LSAMP: variants seen among roughly 807,000 people sequenced by gnomAD.
LSAMP encodes limbic system-associated membrane protein.
Under a neutral mutation model 38.6 loss-of-function variants are expected in LSAMP, and 7 were observed. The ratio of observed to expected loss-of-function variants is 0.18; its 90% CI spans 0.10 to 0.34. LSAMP has a LOEUF of 0.34. Ranked by LOEUF, LSAMP falls within the 10% of genes least tolerant of loss-of-function variation. The pLI is 1.00. For synonymous variants in LSAMP, 154 were observed against 166.8 expected (o/e 0.92, Z 0.59); for missense variants, 313 against 420.0 (o/e 0.75, Z 2.23).
Position 116,442,438 on chromosome 3 carries a change from TA to T in LSAMP, c.155+2438del, listed in dbSNP as rs372690257. Among the ~76,000 whole-genome samples, 528 of 152,208 alleles carry T rather than the reference TA, an allele frequency of 3.5e-3. 3 individuals carry two copies. Among genetic ancestry groups the T allele is most frequent in the African/African-American group, 0.012 (505 of 41,530 alleles). On this transcript the variant is annotated intron_variant, in intron 1 of 6. Transcript: ENST00000490035. ...CTTCCCTGAAAGCTCATGCACCCAGTAAAATGTCACAAATAAAGTGAAAACA... is the reference window on the plus strand; with the variant it reads ...CTTCCCTGAAAGCTCATGCACCCAGTAAATGTCACAAATAAAGTGAAAACA...
intron 6 of LSAMP, among the ~76,000 whole-genome samples, chr3:115,818,572 C>G (rs1934105720): frequency 6.6e-6 from 1 of 151,428 alleles, no homozygotes; most frequent in African/African-American, 2.4e-5. Context: ...AATCAACATA[C>G]TATACTTACA....
intron 3 of LSAMP, among the ~76,000 whole-genome samples, chr3:115,861,480 G>T (rs72953455): frequency 0.011 from 1,655 of 151,492 alleles, 34 homozygotes; most frequent in African/African-American, 0.038. Context: ...ATTCTGAGGC[G>T]GTGTCTGGGC....
chr3:115,939,062 A>C (rs1937805892), intron 3 of LSAMP, among the ~76,000 whole-genome samples: 1 of 152,172 alleles, frequency 6.6e-6, no homozygotes, highest in Non-Finnish European at 1.5e-5. Context: ...AAGGGAATAC[A>C]CTTTGACCTT....
At chr3:116,373,027 T>C (rs1181774849) in intron 1 of LSAMP, among the ~76,000 whole-genome samples, 2 of 151,424 alleles carry the variant, frequency 1.3e-5, no homozygotes, top group East Asian at 3.9e-4. Context: ...CCTCAAAAAA[T>C]TGAAAATACA....
At chr3:115,900,798 C>A (rs924308746) in intron 3 of LSAMP, among the ~76,000 whole-genome samples, 2 of 152,116 alleles carry the variant, frequency 1.3e-5, no homozygotes, top group East Asian at 1.9e-4. Context: ...CTTTCAGGTA[C>A]CTTACTGGGC....
intron 1 of LSAMP, among the ~76,000 whole-genome samples, chr3:116,208,330 T>C (rs1396538674): frequency 6.6e-6 from 1 of 151,196 alleles, no homozygotes; most frequent in Non-Finnish European, 1.5e-5. Flanking sequence ...TTTAAACTTC[T>C]TTGCCTTTGG....
intron 1 of LSAMP, among the ~76,000 whole-genome samples, chr3:116,407,898 G>T (rs2048918314): frequency 6.6e-6 from 1 of 151,916 alleles, no homozygotes; most frequent in Admixed American, 6.6e-5. Flanking sequence ...TACAAACAGA[G>T]TCAGGCTCTA....
At chr3:115,929,341 A>C (rs773928279) in intron 3 of LSAMP, among the ~76,000 whole-genome samples, 2 of 152,206 alleles carry the variant, frequency 1.3e-5, no homozygotes, top group African/African-American at 2.4e-5. Flanking sequence ...GGTGAGAACT[A>C]TAAATCTAGG....
intron 1 of LSAMP, among the ~76,000 whole-genome samples, chr3:116,356,726 C>G (rs1312130119): frequency 6.6e-6 from 1 of 152,130 alleles, no homozygotes; most frequent in African/African-American, 2.4e-5. Context: ...TACTATGTAT[C>G]CATAATCATT....
At position 115,806,367 on chromosome 3, in the gene LSAMP, G is replaced by A. The variant is rs1390647768; in HGVS notation, c.*3950C>T. 1 of 152,042 alleles carries A rather than the reference G, an allele frequency of 6.6e-6. No homozygotes were observed. Among genetic ancestry groups the A allele is most frequent in the African/African-American group, 2.4e-5 (1 of 41,378 alleles). 9.4% of individuals were successfully genotyped at this position (152,042 alleles called of 1,614,324 possible). On this transcript the variant is annotated 3_prime_UTR_variant, in exon 7 of 7. Coordinates refer to ENST00000490035, the MANE Select transcript of LSAMP (RefSeq NM_002338.5). ...TTATTGTTTTCCACAAATAATTCGA[G>A]CCCTGCAAAGAACAAAATGAAAAAT...
At chr3:116,086,174 G>T in intron 2 of LSAMP, 150 bp downstream of exon 2, 1 of 677,156 alleles carries the variant, frequency 1.5e-6, no homozygotes, top group Non-Finnish European at 2.5e-6. Context: ...CTCATTTTAA[G>T]TGTCTTTTTA....
chr3:116,182,159 T>C (rs1710499040), intron 1 of LSAMP, among the ~76,000 whole-genome samples: 1 of 151,836 alleles, frequency 6.6e-6, no homozygotes, highest in South Asian at 2.1e-4. Context: ...TGGAAATAAC[T>C]TGGTAGGTAC....
intron 1 of LSAMP, among the ~76,000 whole-genome samples, chr3:116,426,159 A>C (rs765432496): frequency 3.3e-5 from 5 of 152,210 alleles, no homozygotes; most frequent in Non-Finnish European, 5.9e-5. Flanking sequence ...GCTCATCACC[A>C]GTACTCAACT....
At chr3:116,254,363 G>T (rs1169803901) in intron 1 of LSAMP, among the ~76,000 whole-genome samples, 3 of 152,014 alleles carry the variant, frequency 2.0e-5, no homozygotes, top group African/African-American at 7.2e-5. Context: ...ATGTGGCCAT[G>T]CAAAGATGGA....
At chr3:116,127,301 A>G (rs1709029325) in intron 1 of LSAMP, among the ~76,000 whole-genome samples, 1 of 152,200 alleles carries the variant, frequency 6.6e-6, no homozygotes, top group Non-Finnish European at 1.5e-5. Context: ...GGTATTGACA[A>G]TAACATCCAA....
intron 3 of LSAMP, among the ~76,000 whole-genome samples, chr3:115,872,427 A>C (rs1306741666): frequency 7.9e-5 from 12 of 152,138 alleles, no homozygotes. Flanking sequence ...AAGAATTAGC[A>C]AAGGCAAGAG....
chr3:115,873,863 C>G (rs1936112459), intron 3 of LSAMP, among the ~76,000 whole-genome samples: 2 of 152,086 alleles, frequency 1.3e-5, no homozygotes, highest in Non-Finnish European at 2.9e-5. Flanking sequence ...TGGAGAGCCT[C>G]TAGCTTGCTT....
At chr3:115,945,394 G>C (rs916617578) in intron 3 of LSAMP, among the ~76,000 whole-genome samples, 5 of 152,104 alleles carry the variant, frequency 3.3e-5, no homozygotes, top group African/African-American at 1.2e-4. Context: ...TGGGATTATA[G>C]GTCTGTCTCC....
chr3:116,181,799 C>T (rs750531177), intron 1 of LSAMP, among the ~76,000 whole-genome samples: 7 of 151,894 alleles, frequency 4.6e-5, no homozygotes, highest in Admixed American at 6.6e-5. Context: ...CAGATGTCTA[C>T]GCATCTGATT....
Sources: gnomAD v4.1 joint callset for allele counts (sites outside exome capture counted in the v4.1 genomes callset) on GRCh38, gnomAD v4.1.1 for gene constraint, MANE v1.5 for transcripts, NCBI Gene and HGNC (gene_info 2026-07-23, HGNC 2026-07-21) for gene names.